Variants in CERKL observed in about 807,000 individuals in gnomAD.
CERKL encodes CERK like autophagy regulator.
A neutral mutation model predicts 63.4 loss-of-function variants in CERKL; 61 were observed. The ratio of observed to expected loss-of-function variants is 0.96; its 90% confidence interval spans 0.78 to 1.19. The LOEUF (loss-of-function observed/expected upper bound fraction) is 1.19. CERKL is among the 50% of genes most tolerant of loss of function. The pLI is 0.00. For missense variants in CERKL, 675 were observed against 655.5 expected, an observed-to-expected ratio of 1.03 and a Z score of -0.33; for synonymous variants, 250 against 230.5, an observed-to-expected ratio of 1.08 and a Z score of -0.77.
intron 3 of CERKL, among the ~76,000 whole-genome samples, chr2:181,566,409 A>G (rs985830529): frequency 1.3e-5 from 2 of 152,176 alleles, no homozygotes; most frequent in African/African-American, 2.4e-5. Flanking sequence ...CCTGTTTAGT[A>G]TTCCCTAAAT....
intron 12 of CERKL, 94 bp from the exon 13 acceptor site, chr2:181,538,338 T>C (rs1378522028): frequency 6.9e-6 from 5 of 723,812 alleles, no homozygotes; most frequent in East Asian, 2.5e-5. Context: ...CAAATACAAA[T>C]TGATAACAAA....
At position 181,589,184 on chromosome 2, in the gene CERKL, C is replaced by A. The variant is rs78781120; in HGVS notation, c.481+14653G>T. Among the ~76,000 whole-genome samples, 1,158 of 152,202 alleles carry A rather than the reference C, an allele frequency of 7.6e-3. 24 individuals carry two copies. The highest frequency in any genetic ancestry group is 0.026 in the African/African-American group (1,094 of 41,512). On this transcript the variant is annotated intron_variant, in intron 2 of 12. Coordinates refer to ENST00000410087, the MANE Select transcript of CERKL (RefSeq NM_201548.5). ...AATATAAATATTTCTATTGGTGTAT[C>A]CTTTCTACCATATTAAGAACTGTGG...
At chr2:181,616,239 A>G (rs1341971750) in intron 1 of CERKL, among the ~76,000 whole-genome samples, 1 of 127,664 alleles carries the variant, frequency 7.8e-6, no homozygotes, top group Non-Finnish European at 1.5e-5. Context: ...TTTAAGACAG[A>G]GTCTCACTCT....
intron 2 of CERKL, among the ~76,000 whole-genome samples, chr2:181,574,296 T>G (rs1689031356): frequency 6.6e-6 from 1 of 152,174 alleles, no homozygotes; most frequent in Non-Finnish European, 1.5e-5. Context: ...AATGTGCTCA[T>G]TATTGGAATT....
intron 5 of CERKL, among the ~76,000 whole-genome samples, chr2:181,557,807 A>G (rs1298351324): frequency 6.6e-6 from 1 of 152,090 alleles, no homozygotes; most frequent in East Asian, 1.9e-4. Context: ...TGGCCTTTTC[A>G]CTATTCCTCA....
rs1687928543 is a variant in CERKL, at chr2:181,550,281, A to G, written c.821-573T>C. On this transcript the variant is annotated intron_variant, in intron 5 of 12. Transcript: ENST00000410087. This position sits in a 1 kb window ranked among gnomAD's most constrained non-coding sequence, Gnocchi z 4.5. ...TACATTGAAGAAAATGTTTAATTCA[A>G]TTGTATTTCCCATGTATGAAGATTT... 6.6e-6 allele frequency among the ~76,000 whole-genome samples: 1 copy of G among 152,140 alleles called. No homozygotes were observed. The highest frequency in any genetic ancestry group is 1.5e-5 in the Non-Finnish European group (1 of 68,016).
At chr2:181,579,990 TAATAGTC>T (rs1287554148) in intron 2 of CERKL, among the ~76,000 whole-genome samples, 1 of 151,930 alleles carries the variant, frequency 6.6e-6, no homozygotes, top group Non-Finnish European at 1.5e-5. Flanking sequence ...TATAATGACT[TAATAGTC>T]AATAAGACTG....
intron 10 of CERKL, 29 bp downstream of exon 10, chr2:181,547,589 T>A (rs1244439932): frequency 6.4e-7 from 1 of 1,574,140 alleles, no homozygotes; most frequent in East Asian, 2.2e-5. Flanking sequence ...AAGAAATGTA[T>A]CAACAATTCA....
intron 1 of CERKL, among the ~76,000 whole-genome samples, chr2:181,612,617 ATAT>A (rs2105906634): frequency 6.6e-6 from 1 of 152,250 alleles, no homozygotes; most frequent in South Asian, 2.1e-4. Flanking sequence ...AACATATTAA[ATAT>A]TATAAGATTA....
At chr2:181,538,340 G>T in intron 12 of CERKL, 96 bp from the exon 13 acceptor site, 1 of 712,070 alleles carries the variant, frequency 1.4e-6, no homozygotes, top group South Asian at 1.6e-5. Flanking sequence ...AATACAAATT[G>T]ATAACAAACA....
Position 181,616,206 on chromosome 2 carries a change from A to ATTTTTTT in CERKL, c.239-12134_239-12128dup, listed in dbSNP as rs35040208. 5.5e-3 allele frequency among the ~76,000 whole-genome samples: 602 copies of ATTTTTTT among 110,042 alleles called. 21 individuals carry two copies. The highest frequency in any genetic ancestry group is 0.022 in the African/African-American group (568 of 25,832). The allele number at this position is 110,042 out of a possible 152,430, so 72.2% of individuals were successfully genotyped here. On this transcript the variant is annotated intron_variant, in intron 1 of 12. Coordinates refer to ENST00000410087, the MANE Select transcript of CERKL (RefSeq NM_201548.5). ...ATCAATGAAACAGTCAAAAATCTAA[A>ATTTTTTT]TTTTTTTTTTTTTTTTTTTTTTTTT... is the stretch of plus-strand genomic sequence containing the variant.
At chr2:181,540,812 G>T (rs1298226314) in intron 11 of CERKL, among the ~76,000 whole-genome samples, 1 of 152,182 alleles carries the variant, frequency 6.6e-6, no homozygotes, top group Non-Finnish European at 1.5e-5. Flanking sequence ...TTACAATTTT[G>T]ATACAGGGGA....
At chr2:181,629,977 A>C (rs921045864) in intron 1 of CERKL, among the ~76,000 whole-genome samples, 9 of 151,036 alleles carry the variant, frequency 6.0e-5, no homozygotes, top group East Asian at 3.9e-4. Flanking sequence ...AAAAAAAAAA[A>C]ACACAAGAAG....
chr2:181,625,094 A>G (rs1459651859), intron 1 of CERKL, among the ~76,000 whole-genome samples: 1 of 152,172 alleles, frequency 6.6e-6, no homozygotes, highest in Non-Finnish European at 1.5e-5. Context: ...AAATGAGAAT[A>G]CCCAAGAATG....
At chr2:181,632,890 C>T (rs1687027424) in intron 1 of CERKL, among the ~76,000 whole-genome samples, 1 of 152,094 alleles carries the variant, frequency 6.6e-6, no homozygotes. Flanking sequence ...CAGTCCTACT[C>T]ATAGGGAAAC....
chr2:181,621,456 T>C lies in CERKL; in HGVS notation c.239-17377A>G, dbSNP rs141142571. 3.1e-3 allele frequency among the ~76,000 whole-genome samples: 469 copies of C among 152,326 alleles called. 2 individuals are homozygous for C. Among genetic ancestry groups the C allele is most frequent in the African/African-American group, 0.01 (436 of 41,588 alleles). ...TGGAGTAGAAATTAGAGGAAGCCAA[T>C]TTTATTGAAAAAGCCTTAAATTGAT... On this transcript the variant is annotated intron_variant, in intron 1 of 12. Coordinates refer to ENST00000410087, the MANE Select transcript of CERKL (RefSeq NM_201548.5).
rs1687934744 is a variant in CERKL at position 181,550,456 on chromosome 2, T to G, written c.821-748A>C. On this transcript the variant is annotated intron_variant, in intron 5 of 12. Transcript: ENST00000410087. The surrounding 1 kb of genome is among the most constrained non-coding windows in gnomAD (Gnocchi z 4.5). ...AACTGAAATCTGAGATACAGGGGAC[T>G]ATACCAGCTAGCCCTTCCCATTCCC... 6.6e-6 allele frequency among the ~76,000 whole-genome samples: 1 copy of G among 152,200 alleles called. No homozygotes were observed. The highest frequency in any genetic ancestry group is 2.1e-4 in the South Asian group (1 of 4,828).
intron 1 of CERKL, among the ~76,000 whole-genome samples, chr2:181,619,348 G>A (rs1247313654): frequency 6.6e-6 from 1 of 150,690 alleles, no homozygotes; most frequent in Non-Finnish European, 1.5e-5. Context: ...GGCATTATCA[G>A]TTCAGCTACA....
Position 181,656,763 on chromosome 2 carries a change from A to T in CERKL, c.238+6T>A, listed in dbSNP as rs749540242. 2 of 1,585,580 alleles carry T rather than the reference A, an allele frequency of 1.3e-6. No individual in the cohort carries two copies. Among genetic ancestry groups the T allele is most frequent in the Non-Finnish European group, 1.7e-6 (2 of 1,165,264 alleles). On this transcript the variant is annotated splice_donor_region_variant and intron_variant, in intron 1 of 12. Coordinates refer to ENST00000410087, the MANE Select transcript of CERKL (RefSeq NM_201548.5). Reference sequence around the variant, plus strand: ...GAGGCGAAGACGCTTGGGGCCGGGCACTCACCCGCCGGGCGCTCGGGCTGA... The same window carrying T: ...GAGGCGAAGACGCTTGGGGCCGGGCTCTCACCCGCCGGGCGCTCGGGCTGA...
Sources: gnomAD v4.1 joint callset for allele counts (sites outside exome capture counted in the v4.1 genomes callset) on GRCh38, gnomAD v4.1.1 for gene constraint, Gnocchi (gnomAD v3.1) non-coding constraint, MANE v1.5 for transcripts, NCBI Gene and HGNC (gene_info 2026-07-23, HGNC 2026-07-21) for gene names.